FAM120C: variants seen among roughly 807,000 people sequenced by gnomAD.
The protein encoded by FAM120C is family with sequence similarity 120 member C.
A neutral mutation model predicts 71.2 loss-of-function variants in FAM120C; 14 were observed. The observed-to-expected ratio is 0.20, with a 90% CI of 0.13 to 0.31. The LOEUF (loss-of-function observed/expected upper bound fraction) is 0.31, where lower values mean the gene tolerates loss of function less well. FAM120C is among the 10% of genes least tolerant of loss of function. The probability of loss-of-function intolerance (pLI) is 1.00; values close to 1 mark genes in which losing one functional copy is unlikely to be tolerated. For synonymous variants in FAM120C, 354 were observed against 353.2 expected (o/e 1.00, Z -0.03); for missense variants, 500 against 879.0 (o/e 0.57, Z 5.45).
chrX:54,144,831 G>C lies in FAM120C; in HGVS notation c.1158+6414C>G, dbSNP rs781850119. On this transcript the variant is annotated intron_variant, in intron 4 of 15. Transcript: ENST00000375180. ...AAAAAACTACCTTAAATTTCATATG[G>C]AATCAAAAAAGAGCCTGCATTGCCA... is the stretch of plus-strand genomic sequence containing the variant. 4.5e-5 allele frequency among the ~76,000 whole-genome samples: 5 copies of C among 111,441 alleles called. No individual in the cohort carries two copies. In the East Asian group the frequency reaches 1.1e-3, roughly 25 times the overall value.
In FAM120C at chrX:54,116,589, T is replaced by A; in HGVS notation, c.2268A>T (p.Pro756=). The A allele has an allele frequency of 1.7e-6, 2 of 1,211,799 alleles. No individual in the cohort carries two copies. Among genetic ancestry groups the A allele is most frequent in the Non-Finnish European group, 2.2e-6 (2 of 895,498 alleles). ...GCAGCAGATGGGTGGGGACATTAGC[T>A]GGATTGAGCATACTGGGCGTGTCCG... ...MKSDTPSMLN[P]ANVPTHLLLM... is the part of the protein sequence containing the mutation. Residue 756 remains proline (P), a synonymous_variant, in exon 10 of 16, where the codon CCA becomes CCT. Transcript: ENST00000375180.
intron 10 of FAM120C, among the ~76,000 whole-genome samples, chrX:54,094,811 A>G (rs979898599): frequency 1.8e-5 from 2 of 110,449 alleles, no homozygotes; most frequent in African/African-American, 6.6e-5. Flanking sequence ...GCAGGAGGGC[A>G]GGAGAATGGC....
At chrX:54,169,965 G>T (rs1320346270) in intron 1 of FAM120C, among the ~76,000 whole-genome samples, 1 of 111,578 alleles carries the variant, frequency 9.0e-6, no homozygotes, top group Non-Finnish European at 1.9e-5. Context: ...AGGAAACATT[G>T]ATAAAGTGGC....
At chrX:54,167,804 A>T (rs113101210) in intron 1 of FAM120C, among the ~76,000 whole-genome samples, 2 of 59,632 alleles carry the variant, frequency 3.4e-5, no homozygotes, top group Non-Finnish European at 2.6e-5. Flanking sequence ...GTCTCTATTT[A>T]AAAAAAAAAA....
At chrX:54,080,083 T>C in intron 15 of FAM120C, 149 bp downstream of exon 15, 1 of 498,852 alleles carries the variant, frequency 2.0e-6, no homozygotes, top group Non-Finnish European at 3.5e-6. Context: ...ACCCTCACTA[T>C]ACCACTAGAA....
chrX:54,119,819 G>T (rs1263230628), intron 9 of FAM120C, among the ~76,000 whole-genome samples: 2 of 45,742 alleles, frequency 4.4e-5, no homozygotes, highest in Admixed American at 7.0e-4. Flanking sequence ...GTAATGCCTA[G>T]GTTTTCTTCT....
chrX:54,100,867 G>C (rs1557124060), intron 10 of FAM120C, among the ~76,000 whole-genome samples: 1 of 111,581 alleles, frequency 9.0e-6, no homozygotes, highest in Non-Finnish European at 1.9e-5. Flanking sequence ...ACTGCCTGAA[G>C]GTTTCCCAGG....
At chrX:54,138,176 T>C (rs2067103776) in intron 4 of FAM120C, among the ~76,000 whole-genome samples, 2 of 111,546 alleles carry the variant, frequency 1.8e-5, no homozygotes, top group African/African-American at 6.5e-5. Flanking sequence ...GTCTCAAAGA[T>C]ATTATACTGA....
rs782092889 is a variant in FAM120C at position 54,159,636 on chromosome X, C to T, written c.700-20G>A. 8.3e-6 allele frequency: 10 copies of T among 1,206,785 alleles called. No individual in the cohort carries two copies. In the East Asian group the frequency reaches 1.5e-4, roughly 18 times the overall value. Reference sequence around the variant, plus strand: ...AAAGACCTAGAAGGGAAGAAGAGAACGTGTCATGCCACAGAACCTGATTTG... The same window carrying T: ...AAAGACCTAGAAGGGAAGAAGAGAATGTGTCATGCCACAGAACCTGATTTG... On this transcript the variant is annotated intron_variant, in intron 1 of 15. Coordinates refer to ENST00000375180, the MANE Select transcript of FAM120C (RefSeq NM_017848.6).
chrX:54,165,275 T>A (rs1306977719), intron 1 of FAM120C, among the ~76,000 whole-genome samples: 5 of 111,905 alleles, frequency 4.5e-5, no homozygotes, highest in African/African-American at 6.5e-5. Context: ...AGAATCCACA[T>A]GCTGTATTTC....
intron 1 of FAM120C, among the ~76,000 whole-genome samples, chrX:54,172,262 T>C (rs1383563518): frequency 8.9e-6 from 1 of 112,272 alleles, no homozygotes; most frequent in African/African-American, 3.2e-5. Flanking sequence ...TTTCAGCATC[T>C]TGAGTATCAT....
chrX:54,151,288 G>A lies in FAM120C; in HGVS notation c.1115C>T (p.Ser372Leu). Reference protein sequence around the residue: ...SEYVSSIKDPSNLDVVGKDVF... With the variant: ...SEYVSSIKDPLNLDVVGKDVF... ...ATCCTTCCCAACTACATCCAGGTTT[G>A]AGGGATCTTTGATGGAACTGACATA... The change falls in exon 4 of 16, where the codon TCA (serine) becomes TTA (leucine). Residue 372 changes from serine to leucine, a missense_variant. By Grantham distance (145) the Ser-to-Leu change is moderately radical. Transcript: ENST00000375180. 8.3e-7 allele frequency: 1 copy of A among 1,210,954 alleles called. No homozygotes were observed. The highest frequency in any genetic ancestry group is 2.2e-5 in the Admixed American group (1 of 45,929).
chrX:54,118,928 T>C (rs1170282347), intron 9 of FAM120C, among the ~76,000 whole-genome samples: 8 of 41,226 alleles, frequency 1.9e-4, no homozygotes, highest in African/African-American at 2.9e-4. Context: ...TGTGATCTCA[T>C]TGTTCAGTTC....
intron 4 of FAM120C, chrX:54,147,385 C>T (rs1230053685): frequency 1.8e-5 from 2 of 111,469 alleles, no homozygotes; most frequent in Admixed American, 9.6e-5. Context: ...GGAACGTCAT[C>T]ATTTGGAAAG....
At chrX:54,171,418 A>C (rs1434962330) in intron 1 of FAM120C, 2 of 112,200 alleles carry the variant, frequency 1.8e-5, no homozygotes, top group African/African-American at 3.2e-5. Context: ...AAAAATAAAA[A>C]ACACACACAC....
chrX:54,160,957 T>C (rs1426017466), intron 1 of FAM120C, among the ~76,000 whole-genome samples: 11 of 111,640 alleles, frequency 9.9e-5, no homozygotes, highest in Non-Finnish European at 1.3e-4. Context: ...CATTAAACTT[T>C]TGCTAGATTA....
At chrX:54,091,512 G>T (rs1268158134) in intron 10 of FAM120C, 86 bp from the exon 11 acceptor site, 2 of 607,852 alleles carry the variant, frequency 3.3e-6, no homozygotes, top group Non-Finnish European at 5.1e-6. Flanking sequence ...CCTATCATGA[G>T]CCAGTACTTG....
chrX:54,108,826 A>G (rs1165618479), intron 10 of FAM120C, among the ~76,000 whole-genome samples: 1 of 99,597 alleles, frequency 1.0e-5, no homozygotes, highest in African/African-American at 3.7e-5. Flanking sequence ...GCTACTCAGG[A>G]GGCTGAGGCA....
chrX:54,086,647 TGGGA>T (rs201674800), intron 12 of FAM120C, among the ~76,000 whole-genome samples: 8,402 of 104,796 alleles, frequency 0.08, 538 homozygotes, highest in African/African-American at 0.21. Flanking sequence ...CCCAGCTACT[TGGGA>T]GGGTGAGACA....
Sources: allele counts gnomAD v4.1 joint callset (sites outside exome capture counted in the v4.1 genomes callset), GRCh38; gene constraint gnomAD v4.1.1; transcripts MANE v1.5; gene names NCBI Gene and HGNC (gene_info 2026-07-23, HGNC 2026-07-21).